Variants in IL16 observed in about 807,000 individuals in gnomAD.
The protein encoded by IL16 is interleukin 16.
In IL16, 67 loss-of-function variants were observed where a neutral mutation model predicts 110.1. The observed-to-expected ratio is 0.61, with a 90% CI of 0.50 to 0.75. IL16 has a LOEUF of 0.75. Among genes scored for constraint, IL16 ranks in the 30% least tolerant of loss-of-function variants. The pLI is 0.00. For missense variants in IL16, 1,545 were observed against 1,655.0 expected, an observed-to-expected ratio of 0.93 and a Z score of 1.15; for synonymous variants, 689 against 662.9, an observed-to-expected ratio of 1.04 and a Z score of -0.61.
At chr15:81,292,531 A>G in intron 11 of IL16, 25 bp from the exon 12 acceptor site, 1 of 1,611,752 alleles carries the variant, frequency 6.2e-7, no homozygotes, top group Non-Finnish European at 8.5e-7. Flanking sequence ...TCAGCTGTGA[A>G]GATTCTCTTG....
intron 1 of IL16, among the ~76,000 whole-genome samples, chr15:81,209,122 A>G (rs117771667): frequency 0.013 from 2,054 of 152,282 alleles, 26 homozygotes; most frequent in Non-Finnish European, 0.022. Flanking sequence ...AGTCCCTTCA[A>G]TGTTCCAGAC....
chr15:81,236,692 A>T lies in IL16; in HGVS notation c.312+10981A>T, dbSNP rs545073528. Among the ~76,000 whole-genome samples, 10 of 152,320 alleles carry T rather than the reference A, an allele frequency of 6.6e-5. No homozygotes were observed. In the South Asian group the frequency reaches 2.1e-3, roughly 32 times the overall value. Reference sequence around the variant, plus strand: ...AGAATAAGGCCGGGCGCGGTGGCTCATGCCTGTAATTACAATACTTTGGGA... The same window carrying T: ...AGAATAAGGCCGGGCGCGGTGGCTCTTGCCTGTAATTACAATACTTTGGGA... On this transcript the variant is annotated intron_variant, in intron 2 of 18. Transcript: ENST00000683961.
rs770612809 is a variant in IL16, at chr15:81,292,946, A to G, written c.1811A>G (p.Tyr604Cys). The G allele has an allele frequency of 6.2e-7, 1 of 1,614,178 alleles. No homozygotes were observed. The change falls in exon 12 of 19, where the codon TAC becomes TGC. Residue 604 changes from tyrosine to cysteine, a missense_variant. By Grantham distance (194) the Tyr-to-Cys change is radical (BLOSUM62 -2). Coordinates refer to ENST00000683961, the MANE Select transcript of IL16 (RefSeq NM_172217.5). ...AAGCCCAAGCCTCCACCCAGAAAAT[A>G]CTTTAAAAGTGACAGTGACCCTCAG... ...SSKPKPPPRK[Y>C]FKSDSDPQKS...
chr15:81,234,216 G>A (rs1032739086), intron 2 of IL16, among the ~76,000 whole-genome samples: 2 of 151,818 alleles, frequency 1.3e-5, no homozygotes, highest in African/African-American at 2.4e-5. Context: ...TTCAATCTTT[G>A]TCTTTAGAAT....
At chr15:81,264,942 A>C (rs1448578582) in intron 3 of IL16, among the ~76,000 whole-genome samples, 2 of 152,182 alleles carry the variant, frequency 1.3e-5, no homozygotes, top group African/African-American at 2.4e-5. Flanking sequence ...AAAATTTTTT[A>C]ATTACATAGG....
chr15:81,215,534 A>G (rs1896394343), intron 1 of IL16, among the ~76,000 whole-genome samples: 2 of 152,182 alleles, frequency 1.3e-5, no homozygotes, highest in South Asian at 4.1e-4. Flanking sequence ...GGGTGGAGAC[A>G]AATGGCCCCT....
At chr15:81,260,758 G>A (rs1898120375) in intron 3 of IL16, among the ~76,000 whole-genome samples, 1 of 152,116 alleles carries the variant, frequency 6.6e-6, no homozygotes, top group South Asian at 2.1e-4. Flanking sequence ...TGTGATCTTG[G>A]GCAAGTCCCC....
rs143697077 is a variant in IL16 at position 81,245,308 on chromosome 15, G to C, written c.313-14464G>C. Among the ~76,000 whole-genome samples the C allele has an allele frequency of 2.2e-4, 33 of 152,256 alleles. No homozygotes were observed. The East Asian group carries it at 5.6e-3, about 26-fold the overall frequency. On this transcript the variant is annotated intron_variant, in intron 2 of 18. Transcript: ENST00000683961. ...TAGCTGCCTTTGACATTATTCTTGC[G>C]AGTGTGGGGAAGGGGCCACCATTTG...
chr15:81,299,161 G>C (rs1871951598), intron 13 of IL16: 1 of 725,920 alleles, frequency 1.4e-6, no homozygotes, highest in African/African-American at 1.7e-5. Flanking sequence ...AAAACACTAG[G>C]ATACTGTGAG....
At chr15:81,279,507 A>T (rs769288387) in intron 7 of IL16, 51 bp from the exon 8 acceptor site, 36 of 1,347,780 alleles carry the variant, frequency 2.7e-5, no homozygotes, top group Non-Finnish European at 3.7e-5. Flanking sequence ...GTATTTCTTC[A>T]TCTCACCCTG....
At chr15:81,239,442 G>T (rs568327961) in intron 2 of IL16, among the ~76,000 whole-genome samples, 1 of 152,290 alleles carries the variant, frequency 6.6e-6, no homozygotes, top group Admixed American at 6.5e-5. Flanking sequence ...TTCCTGGGCT[G>T]CCTGGTACCA....
chr15:81,241,795 G>A (rs939600297), intron 2 of IL16, among the ~76,000 whole-genome samples: 1 of 151,856 alleles, frequency 6.6e-6, no homozygotes, highest in East Asian at 1.9e-4. Flanking sequence ...TTCCATCATC[G>A]CAAGGTTCCC....
At chr15:81,239,600 A>G (rs543416718) in intron 2 of IL16, among the ~76,000 whole-genome samples, 2 of 152,312 alleles carry the variant, frequency 1.3e-5, no homozygotes, top group South Asian at 4.1e-4. Context: ...CCAGTGCCCC[A>G]GTGATAGAGT....
chr15:81,280,962 C>T (rs1899146456), intron 8 of IL16, among the ~76,000 whole-genome samples: 1 of 152,180 alleles, frequency 6.6e-6, no homozygotes, highest in African/African-American at 2.4e-5. Context: ...TTTTTGTTTG[C>T]TCATTTTATA....
intron 1 of IL16, among the ~76,000 whole-genome samples, chr15:81,205,442 A>C (rs1895982994): frequency 6.6e-6 from 1 of 152,186 alleles, no homozygotes; most frequent in African/African-American, 2.4e-5. Context: ...TCTTGCAATC[A>C]ATGAAGAGGA....
chr15:81,245,394 T>C (rs1296189346), intron 2 of IL16, among the ~76,000 whole-genome samples: 4 of 152,206 alleles, frequency 2.6e-5, no homozygotes, highest in African/African-American at 9.6e-5. Flanking sequence ...ACACCCAAGG[T>C]GAGGGACTTC....
intron 10 of IL16, among the ~76,000 whole-genome samples, chr15:81,288,743 G>A (rs1020097226): frequency 2.6e-5 from 4 of 152,010 alleles, no homozygotes; most frequent in Non-Finnish European, 5.9e-5. Context: ...ATTTGACTTC[G>A]CGTAATGTCC....
At chr15:81,264,577 TC>T (rs1413159339) in intron 3 of IL16, among the ~76,000 whole-genome samples, 3 of 152,148 alleles carry the variant, frequency 2.0e-5, no homozygotes, top group African/African-American at 7.2e-5. Context: ...TACCTTTTCC[TC>T]TAGGGGAATT....
intron 3 of IL16, among the ~76,000 whole-genome samples, chr15:81,261,505 G>A (rs1898155971): frequency 6.6e-6 from 1 of 152,202 alleles, no homozygotes; most frequent in Admixed American, 6.5e-5. Context: ...AGTGCTGGTG[G>A]TGGCTGTGCC....
Sources: gnomAD v4.1 joint callset for allele counts (sites outside exome capture counted in the v4.1 genomes callset) on GRCh38, gnomAD v4.1.1 for gene constraint, MANE v1.5 for transcripts, NCBI Gene and HGNC (gene_info 2026-07-23, HGNC 2026-07-21) for gene names.